LAMA2: variants seen among roughly 807,000 people sequenced by gnomAD.
The protein encoded by LAMA2 is laminin subunit alpha-2.
LAMA2 carries 269 observed loss-of-function variants against 364.8 expected under a neutral mutation model. The observed-to-expected ratio is 0.74, with a 90% CI of 0.67 to 0.82. LAMA2 has a LOEUF of 0.82. Among genes scored for constraint, LAMA2 ranks in the 40% least tolerant of loss-of-function variants. The pLI is 0.00. For synonymous variants in LAMA2, 1,379 were observed against 1,370.6 expected, an observed-to-expected ratio of 1.01 and a Z score of -0.14; for missense variants, 3,807 against 3,873.2, an observed-to-expected ratio of 0.98 and a Z score of 0.45.
chr6:129,360,122 T>C (rs1470228896), intron 32 of LAMA2, among the ~76,000 whole-genome samples: 2 of 152,152 alleles, frequency 1.3e-5, no homozygotes, highest in Non-Finnish European at 2.9e-5. Context: ...CTTTGTAACC[T>C]TATTAGTATT....
At chr6:129,354,153 A>G (rs1200658713) in intron 32 of LAMA2, among the ~76,000 whole-genome samples, 3 of 152,204 alleles carry the variant, frequency 2.0e-5, no homozygotes, top group South Asian at 2.1e-4. Context: ...GTGCATGTCA[A>G]CATTTCTTGT....
chr6:129,157,189 G>A (rs1459066027), intron 8 of LAMA2, among the ~76,000 whole-genome samples: 3 of 152,214 alleles, frequency 2.0e-5, no homozygotes, highest in Non-Finnish European at 2.9e-5. Flanking sequence ...AGAAAGCACC[G>A]TTTTATGAAC....
intron 18 of LAMA2, among the ~76,000 whole-genome samples, chr6:129,283,736 T>C (rs952513855): frequency 2.0e-5 from 3 of 151,820 alleles, no homozygotes; most frequent in Non-Finnish European, 2.9e-5. Context: ...TTAGATTTTG[T>C]CTGCTTCAGA....
At chr6:129,018,914 C>A (rs1785246634) in intron 1 of LAMA2, among the ~76,000 whole-genome samples, 1 of 151,908 alleles carries the variant, frequency 6.6e-6, no homozygotes, top group African/African-American at 2.4e-5. Flanking sequence ...TTTAGCTTTT[C>A]TTGTATTCTT....
chr6:128,917,392 T>C (rs1239579805), intron 1 of LAMA2, among the ~76,000 whole-genome samples: 1 of 152,100 alleles, frequency 6.6e-6, no homozygotes, highest in East Asian at 1.9e-4. Flanking sequence ...AGTCATTTTA[T>C]CTTTTACTTT....
intron 1 of LAMA2, among the ~76,000 whole-genome samples, chr6:128,984,655 ATT>A (rs66667236): frequency 0.045 from 6,416 of 143,136 alleles, 346 homozygotes; most frequent in African/African-American, 0.13. Flanking sequence ...AATTTAAATG[ATT>A]TTTTTTTTTT....
intron 22 of LAMA2, 94 bp downstream of exon 22, chr6:129,300,966 T>C: frequency 9.6e-7 from 1 of 1,041,792 alleles, no homozygotes; most frequent in Non-Finnish European, 1.5e-6. Flanking sequence ...CAATATTACA[T>C]CACAAAATAA....
chr6:129,070,760 G>T (rs1426203922), intron 3 of LAMA2, among the ~76,000 whole-genome samples: 1 of 151,934 alleles, frequency 6.6e-6, no homozygotes, highest in Non-Finnish European at 1.5e-5. Context: ...CTCATTAATG[G>T]CATATAGTGA....
rs1256724811 is a variant in LAMA2 at position 129,098,144 on chromosome 6, A to G, written c.397-29A>G. 3.7e-6 allele frequency: 6 copies of G among 1,611,920 alleles called. No individual in the cohort carries two copies. The African/African-American group carries it at 5.3e-5, about 14-fold the overall frequency. Reference sequence around the variant, plus strand: ...AATGATGAGAATATTTGGGAATTCAATGTTATTGTTGTTGTTATACTTCCC... The same window carrying G: ...AATGATGAGAATATTTGGGAATTCAGTGTTATTGTTGTTGTTATACTTCCC... On this transcript the variant is annotated intron_variant, in intron 3 of 64. Transcript: ENST00000421865.
chr6:129,418,249 C>A (rs1475684079), intron 40 of LAMA2, among the ~76,000 whole-genome samples: 3 of 152,024 alleles, frequency 2.0e-5, no homozygotes, highest in Non-Finnish European at 2.9e-5. Context: ...GACAATAGAT[C>A]CCCTCTCCCC....
intron 9 of LAMA2, among the ~76,000 whole-genome samples, chr6:129,174,433 ATT>A (rs1780431405): frequency 6.7e-6 from 1 of 150,368 alleles, no homozygotes; most frequent in Admixed American, 6.6e-5. Context: ...CTGCATTTTT[ATT>A]TCTCTTCTAA....
intron 3 of LAMA2, among the ~76,000 whole-genome samples, chr6:129,071,728 T>G (rs1773325295): frequency 6.6e-6 from 1 of 152,236 alleles, no homozygotes; most frequent in Non-Finnish European, 1.5e-5. Flanking sequence ...GTTTTGTTTT[T>G]GTTGTTATTC....
At chr6:129,158,460 C>T in intron 8 of LAMA2, 1 of 1,613,908 alleles carries the variant, frequency 6.2e-7, no homozygotes. Context: ...TAAAGGTAGT[C>T]CAGACCCACT....
rs1780696967 is a variant in LAMA2 at position 129,177,840 on chromosome 6, C to G, written c.1441C>G (p.Pro481Ala). The change falls in exon 10 of 65, where the codon CCT (proline) becomes GCT (alanine). Residue 481 changes from proline (P) to alanine (A), a missense_variant. By Grantham distance (27) the Pro-to-Ala change is conservative. Coordinates refer to ENST00000421865, the MANE Select transcript of LAMA2 (RefSeq NM_000426.4). ...TGGGTTAGGGAGCAAAAATGAGGAT[C>G]CTTGTTTTGGCCCCTGTATCTGCAA... ...CSGLGSKNEDPCFGPCICKEN... is the reference protein window; with the variant it reads ...CSGLGSKNEDACFGPCICKEN... 2 of 1,613,932 alleles carry G rather than the reference C, an allele frequency of 1.2e-6. No individual in the cohort carries two copies. Among genetic ancestry groups the G allele is most frequent in the South Asian group, 2.2e-5 (2 of 91,082 alleles).
intron 2 of LAMA2, among the ~76,000 whole-genome samples, chr6:129,051,253 G>A (rs1206801952): frequency 6.8e-6 from 1 of 147,520 alleles, no homozygotes; most frequent in Non-Finnish European, 1.5e-5. Flanking sequence ...CTACATAAAG[G>A]TAAAAATATA....
chr6:129,427,691 G>C, intron 40 of LAMA2, 61 bp from the exon 41 acceptor site: 1 of 1,221,820 alleles, frequency 8.2e-7, no homozygotes, highest in Non-Finnish European at 1.2e-6. Context: ...CTGCCTTCTG[G>C]ATCCCTCCAC....
At chr6:129,095,118 C>T (rs1775090389) in intron 3 of LAMA2, among the ~76,000 whole-genome samples, 1 of 152,326 alleles carries the variant, frequency 6.6e-6, no homozygotes, top group African/African-American at 2.4e-5. Context: ...ACCCATTTCT[C>T]ATTTGCCTGA....
chr6:129,258,658 A>G (rs986881621), intron 14 of LAMA2, among the ~76,000 whole-genome samples: 18 of 152,044 alleles, frequency 1.2e-4, no homozygotes, highest in Non-Finnish European at 1.9e-4. Context: ...TAAATTTTAA[A>G]TAGGTTTGAA....
rs376164871 is a variant in LAMA2 at position 129,086,000 on chromosome 6, G to A, written c.397-12173G>A. Among the ~76,000 whole-genome samples, 42 of 152,264 alleles carry A rather than the reference G, an allele frequency of 2.8e-4. No homozygotes were observed. In the South Asian group the frequency reaches 5.2e-3, roughly 19 times the overall value. On this transcript the variant is annotated intron_variant, in intron 3 of 64. Transcript: ENST00000421865. Reference sequence around the variant, plus strand: ...CCAAAATGACATCAGGCTTGCAGCCGTCTCATTTTTTCCTTTTATTTACAC... The same window carrying A: ...CCAAAATGACATCAGGCTTGCAGCCATCTCATTTTTTCCTTTTATTTACAC...
Sources: allele counts gnomAD v4.1 joint callset (sites outside exome capture counted in the v4.1 genomes callset), GRCh38; gene constraint gnomAD v4.1.1; transcripts MANE v1.5; gene names NCBI Gene and HGNC (gene_info 2026-07-23, HGNC 2026-07-21).